Variants in DLGAP2 observed in about 807,000 individuals in gnomAD.
The protein encoded by DLGAP2 is DLG associated protein 2.
In DLGAP2, 26 loss-of-function variants were observed where a neutral mutation model predicts 100.3. The ratio of observed to expected loss-of-function variants is 0.26; its 90% CI spans 0.19 to 0.36. DLGAP2 has a LOEUF of 0.36. DLGAP2 is among the 10% of genes least tolerant of loss of function. The pLI is 1.00. For synonymous variants in DLGAP2, 886 were observed against 630.1 expected (o/e 1.41, Z -6.08); for missense variants, 1,858 against 1,453.2 (o/e 1.28, Z -4.53).
At chr8:1,212,032 C>T (rs191921452) in intron 2 of DLGAP2, among the ~76,000 whole-genome samples, 71 of 152,314 alleles carry the variant, frequency 4.7e-4, no homozygotes, top group Non-Finnish European at 8.8e-4. Context: ...ATTCACAGCG[C>T]TAAAGCCTAG....
chr8:900,320 C>A (rs991884351), intron 1 of DLGAP2, among the ~76,000 whole-genome samples: 1 of 150,224 alleles, frequency 6.7e-6, no homozygotes, highest in African/African-American at 2.5e-5. Flanking sequence ...CCCTCCTCTT[C>A]ACGGTGTCGC....
At chr8:793,867 A>G (rs933330539) in intron 1 of DLGAP2, among the ~76,000 whole-genome samples, 1 of 152,198 alleles carries the variant, frequency 6.6e-6, no homozygotes, top group Non-Finnish European at 1.5e-5. Context: ...TGCTGGTTTA[A>G]CCTGTTACGG....
intron 2 of DLGAP2, among the ~76,000 whole-genome samples, chr8:1,244,052 G>T (rs193073501): frequency 1.8e-4 from 28 of 152,074 alleles, no homozygotes; most frequent in Non-Finnish European, 1.3e-4. Flanking sequence ...CCCAGCCTCC[G>T]CACTCCACCG....
At chr8:1,028,470 C>T (rs1326774892) in intron 2 of DLGAP2, among the ~76,000 whole-genome samples, 1 of 150,846 alleles carries the variant, frequency 6.6e-6, no homozygotes, top group African/African-American at 2.4e-5. Flanking sequence ...GTCAGGCGCC[C>T]TTTATTCTCC....
intron 1 of DLGAP2, among the ~76,000 whole-genome samples, chr8:764,716 A>AG (rs1440449188): frequency 6.6e-6 from 1 of 152,204 alleles, no homozygotes; most frequent in African/African-American, 2.4e-5. Flanking sequence ...TTGTGGTTGT[A>AG]GTAGAGGAAT....
chr8:1,686,560 G>C (rs946693169), intron 12 of DLGAP2, among the ~76,000 whole-genome samples: 5 of 152,096 alleles, frequency 3.3e-5, no homozygotes, highest in Admixed American at 6.6e-5. Context: ...CCCAATCCCA[G>C]CTACTCAGGA....
chr8:1,683,372 C>G (rs917990702), intron 12 of DLGAP2, among the ~76,000 whole-genome samples: 4 of 151,540 alleles, frequency 2.6e-5, no homozygotes, highest in African/African-American at 9.7e-5. Context: ...TCTCCTTCCT[C>G]TGGAGGAAGA....
At chr8:1,674,450 A>C (rs1444632420) in intron 10 of DLGAP2, among the ~76,000 whole-genome samples, 1 of 152,224 alleles carries the variant, frequency 6.6e-6, no homozygotes, top group Admixed American at 6.5e-5. Context: ...GTGCTACTTT[A>C]TAAATAATGC....
intron 1 of DLGAP2, among the ~76,000 whole-genome samples, chr8:884,992 T>C (rs1287235295): frequency 6.6e-6 from 1 of 152,204 alleles, no homozygotes; most frequent in Non-Finnish European, 1.5e-5. Context: ...TTGGTCTATA[T>C]GTCTGTTTTG....
At chr8:970,707 G>T (rs1048017729) in intron 2 of DLGAP2, among the ~76,000 whole-genome samples, 2 of 152,124 alleles carry the variant, frequency 1.3e-5, no homozygotes, top group African/African-American at 4.8e-5. Context: ...TTAACAAATG[G>T]CTCTTAAAAT....
At chr8:780,324 C>T (rs1417519335) in intron 1 of DLGAP2, among the ~76,000 whole-genome samples, 1 of 152,322 alleles carries the variant, frequency 6.6e-6, no homozygotes, top group South Asian at 2.1e-4. Flanking sequence ...AACAGGATTT[C>T]TTTTTCTTTT....
intron 2 of DLGAP2, among the ~76,000 whole-genome samples, chr8:1,198,101 TGTGTGTAC>T (rs1797793226): frequency 2.0e-5 from 3 of 151,726 alleles, no homozygotes; most frequent in African/African-American, 7.3e-5. Context: ...TCTGTGTGTG[TGTGTGTAC>T]GTGTGTGCGT....
chr8:1,666,792 G>A (rs1257668541), intron 8 of DLGAP2, among the ~76,000 whole-genome samples: 4 of 152,180 alleles, frequency 2.6e-5, no homozygotes, highest in Non-Finnish European at 5.9e-5. Flanking sequence ...GTTAACTCGG[G>A]ATGACATTAG....
intron 3 of DLGAP2, among the ~76,000 whole-genome samples, chr8:1,373,215 A>T (rs990373575): frequency 6.6e-6 from 1 of 151,932 alleles, no homozygotes; most frequent in African/African-American, 2.4e-5. Flanking sequence ...ACTGCGCAGC[A>T]AGACTCTGTG....
chr8:818,660 T>C (rs796643178), intron 1 of DLGAP2, among the ~76,000 whole-genome samples: 17 of 152,294 alleles, frequency 1.1e-4, no homozygotes, highest in African/African-American at 3.9e-4. Context: ...GTCATCTTAA[T>C]CCTCTCTGCT....
At chr8:1,174,223 A>G (rs927016901) in intron 2 of DLGAP2, among the ~76,000 whole-genome samples, 4 of 152,056 alleles carry the variant, frequency 2.6e-5, no homozygotes, top group African/African-American at 7.2e-5. Flanking sequence ...AAAAATTGCT[A>G]TTCTGCAGGG....
At chr8:1,606,207 A>G (rs1355592666) in intron 6 of DLGAP2, among the ~76,000 whole-genome samples, 14 of 152,172 alleles carry the variant, frequency 9.2e-5, no homozygotes, top group Non-Finnish European at 1.5e-5. Flanking sequence ...CAACTTTCAG[A>G]TGACATAAAG....
chr8:1,256,840 G>A (rs374031451), intron 2 of DLGAP2, among the ~76,000 whole-genome samples: 110 of 152,258 alleles, frequency 7.2e-4, no homozygotes, highest in Middle Eastern at 3.4e-3. Context: ...AGTCTGAGCT[G>A]GCTGCCCCGT....
intron 2 of DLGAP2, among the ~76,000 whole-genome samples, chr8:1,038,214 C>G (rs1802191555): frequency 6.6e-6 from 1 of 152,220 alleles, no homozygotes; most frequent in Non-Finnish European, 1.5e-5. Context: ...GGTTGAGAGT[C>G]CCTCATCTGA....
Sources: gnomAD v4.1 joint callset for allele counts (sites outside exome capture counted in the v4.1 genomes callset) on GRCh38, gnomAD v4.1.1 for gene constraint, MANE v1.5 for transcripts, NCBI Gene and HGNC (gene_info 2026-07-23, HGNC 2026-07-21) for gene names.